Variants in EYS observed in about 807,000 individuals in gnomAD.
EYS encodes protein eyes shut homolog.
EYS carries 250 observed loss-of-function variants against 282.1 expected under a neutral mutation model. The ratio of observed to expected loss-of-function variants is 0.89; its 90% CI spans 0.80 to 0.98. The LOEUF is 0.98. Among genes scored for constraint, EYS ranks in the 50% least tolerant of loss-of-function variants. The pLI is 0.00. For missense variants in EYS, 4,016 were observed against 3,709.0 expected (o/e 1.08, Z -2.15); for synonymous variants, 1,355 against 1,282.9 (o/e 1.06, Z -1.20).
In EYS at chr6:65,494,734, C is replaced by T. The variant is rs777941877; in HGVS notation, c.677G>A (p.Gly226Asp). 8 of 1,612,468 alleles carry T rather than the reference C, an allele frequency of 5.0e-6. No homozygotes were observed. The highest frequency in any genetic ancestry group is 6.8e-6 in the Non-Finnish European group (8 of 1,179,170). The change falls in exon 4 of 43, where the codon GGC becomes GAC. Residue 226 changes from glycine to aspartate, a missense_variant. By Grantham distance (94) the Gly-to-Asp change is moderately conservative (BLOSUM62 -1). Coordinates refer to ENST00000503581, the MANE Select transcript of EYS (RefSeq NM_001142800.2). Reference sequence around the variant, plus strand: ...ATTTTCTCTTTTATTAATGCAACTGCCATTATTTTTACATGGTTTAAAAGA... The same window carrying T: ...ATTTTCTCTTTTATTAATGCAACTGTCATTATTTTTACATGGTTTAAAAGA... Reference protein sequence around the residue: ...ACSFKPCKNNGSCINKRENWD... With the variant: ...ACSFKPCKNNDSCINKRENWD...
chr6:63,872,088 A>T (rs1043775220), intron 35 of EYS, among the ~76,000 whole-genome samples: 1 of 152,146 alleles, frequency 6.6e-6, no homozygotes, highest in Non-Finnish European at 1.5e-5. Flanking sequence ...GGCTTGAAAC[A>T]GTTTCATAGA....
intron 12 of EYS, among the ~76,000 whole-genome samples, chr6:65,243,644 T>C (rs1402351334): frequency 3.3e-5 from 5 of 152,224 alleles, no homozygotes; most frequent in Non-Finnish European, 7.3e-5. Flanking sequence ...AGCAGTTAAA[T>C]TTATGTTCCT....
intron 35 of EYS, among the ~76,000 whole-genome samples, chr6:63,934,202 A>G (rs1764985032): frequency 1.3e-5 from 2 of 152,236 alleles, no homozygotes; most frequent in Non-Finnish European, 2.9e-5. Context: ...ACAACGAGAT[A>G]CCATCTCACA....
At chr6:65,103,253 A>G (rs959423765) in intron 12 of EYS, among the ~76,000 whole-genome samples, 2 of 151,542 alleles carry the variant, frequency 1.3e-5, no homozygotes, top group African/African-American at 4.8e-5. Context: ...GAATGATCAG[A>G]GGTGTTAAAA....
intron 12 of EYS, among the ~76,000 whole-genome samples, chr6:65,126,014 T>C (rs369426329): frequency 2.0e-5 from 3 of 152,144 alleles, no homozygotes; most frequent in East Asian, 3.9e-4. Flanking sequence ...ATGAAGTACC[T>C]GGTAAGATTA....
chr6:65,240,147 T>G (rs2150275169), intron 12 of EYS, among the ~76,000 whole-genome samples: 1 of 152,152 alleles, frequency 6.6e-6, no homozygotes, highest in Admixed American at 6.5e-5. Flanking sequence ...TTTTTGTATT[T>G]TTAGTAGAGA....
rs140042420 is a variant in EYS, at chr6:64,358,497, A to T, written c.6078+30193T>A. 2.9e-3 allele frequency among the ~76,000 whole-genome samples: 446 copies of T among 151,708 alleles called. 3 individuals carry two copies. The highest frequency in any genetic ancestry group is 0.01 in the African/African-American group (417 of 41,460). On this transcript the variant is annotated intron_variant, in intron 29 of 42. Transcript: ENST00000503581. ...ATGTGGGGTCTTCCAGTACAAGAAT[A>T]TTCAATCTCCACTGCCAAACTAGCC...
intron 14 of EYS, among the ~76,000 whole-genome samples, chr6:64,979,120 A>G (rs1770570041): frequency 6.6e-6 from 1 of 151,796 alleles, no homozygotes; most frequent in Admixed American, 6.6e-5. Flanking sequence ...GCTATAAGAT[A>G]AATCTTTTGT....
chr6:64,396,006 A>T (rs1773358513), intron 28 of EYS, among the ~76,000 whole-genome samples: 2 of 151,960 alleles, frequency 1.3e-5, no homozygotes, highest in Admixed American at 1.3e-4. Flanking sequence ...ACTACCCAGG[A>T]CAAAAGGCAC....
chr6:64,373,568 G>A (rs2150415328), intron 29 of EYS, among the ~76,000 whole-genome samples: 1 of 152,344 alleles, frequency 6.6e-6, no homozygotes, highest in South Asian at 2.1e-4. Flanking sequence ...AGAGGTTGGT[G>A]TGGGTGGAGT....
At chr6:65,349,937 A>G (rs1191425638) in intron 9 of EYS, among the ~76,000 whole-genome samples, 1 of 151,502 alleles carries the variant, frequency 6.6e-6, no homozygotes, top group Non-Finnish European at 1.5e-5. Flanking sequence ...AGTCCAATGC[A>G]TTTTAACATT....
intron 30 of EYS, among the ~76,000 whole-genome samples, chr6:64,239,544 A>C (rs1479080008): frequency 6.6e-6 from 1 of 150,666 alleles, no homozygotes; most frequent in Non-Finnish European, 1.5e-5. Flanking sequence ...GGCTGCATAA[A>C]TGTCTTCTTT....
At chr6:64,215,687 A>T (rs889351231) in intron 31 of EYS, among the ~76,000 whole-genome samples, 1 of 152,164 alleles carries the variant, frequency 6.6e-6, no homozygotes, top group African/African-American at 2.4e-5. Flanking sequence ...AAAATGTTTA[A>T]TTTTTTTTCT....
At chr6:63,782,452 T>A (rs1455334050) in intron 39 of EYS, among the ~76,000 whole-genome samples, 2 of 152,232 alleles carry the variant, frequency 1.3e-5, no homozygotes, top group African/African-American at 2.4e-5. Flanking sequence ...TATTCAGGGA[T>A]TCAACTTCTT....
At chr6:65,325,172 T>C (rs534827183) in intron 11 of EYS, among the ~76,000 whole-genome samples, 1 of 152,238 alleles carries the variant, frequency 6.6e-6, no homozygotes, top group African/African-American at 2.4e-5. Flanking sequence ...TCCTCCTTAC[T>C]CTTCCTCATA....
intron 31 of EYS, among the ~76,000 whole-genome samples, chr6:64,186,988 A>G (rs575603181): frequency 6.6e-6 from 1 of 152,278 alleles, no homozygotes; most frequent in African/African-American, 2.4e-5. Context: ...AGAGTAAGTT[A>G]GCAAATGAGG....
intron 2 of EYS, among the ~76,000 whole-genome samples, chr6:65,532,726 C>T (rs1438013239): frequency 6.6e-6 from 1 of 152,032 alleles, no homozygotes; most frequent in East Asian, 1.9e-4. Context: ...CTAATGCTTC[C>T]CTTTCCCACA....
intron 37 of EYS, among the ~76,000 whole-genome samples, chr6:63,803,557 G>A (rs1001435378): frequency 5.9e-5 from 9 of 152,178 alleles, no homozygotes; most frequent in South Asian, 4.1e-4. Flanking sequence ...GAAGAGTTGC[G>A]AGGAGGGGAA....
At chr6:64,402,843 T>A (rs1773580548) in intron 28 of EYS, among the ~76,000 whole-genome samples, 1 of 152,190 alleles carries the variant, frequency 6.6e-6, no homozygotes, top group African/African-American at 2.4e-5. Flanking sequence ...TGTTTGTATG[T>A]GGGACAAAAA....
Sources: gnomAD v4.1 joint callset for allele counts (sites outside exome capture counted in the v4.1 genomes callset) on GRCh38, gnomAD v4.1.1 for gene constraint, MANE v1.5 for transcripts, NCBI Gene and HGNC (gene_info 2026-07-23, HGNC 2026-07-21) for gene names.